Variants in IQCK observed in about 807,000 individuals in gnomAD.
IQCK encodes the protein IQ domain-containing protein K.
Under a neutral mutation model 28.1 loss-of-function variants are expected in IQCK, and 29 were observed. The observed-to-expected ratio is 1.03, with a 90% CI of 0.77 to 1.41. IQCK has a LOEUF of 1.41. IQCK is among the 40% of genes most tolerant of loss of function. IQCK has a pLI of 0.00. For missense variants in IQCK, 359 were observed against 314.7 expected, an observed-to-expected ratio of 1.14 and a Z score of -1.07; for synonymous variants, 113 against 115.1, an observed-to-expected ratio of 0.98 and a Z score of 0.12.
At chr16:19,847,979 C>G (rs1393295736) in intron 9 of IQCK, among the ~76,000 whole-genome samples, 1 of 152,152 alleles carries the variant, frequency 6.6e-6, no homozygotes, top group Non-Finnish European at 1.5e-5. Context: ...AATGCTGCTG[C>G]TTTGAACACT....
chr16:19,782,870 C>G (rs151029076), intron 6 of IQCK, among the ~76,000 whole-genome samples: 9 of 152,070 alleles, frequency 5.9e-5, no homozygotes, highest in Admixed American at 2.6e-4. Context: ...CACTTTGCAT[C>G]TAAAAAAGAG....
intron 6 of IQCK, among the ~76,000 whole-genome samples, chr16:19,784,286 C>A (rs566154303): frequency 7.8e-4 from 118 of 152,120 alleles, no homozygotes; most frequent in African/African-American, 2.8e-3. Flanking sequence ...ACCCTGACTT[C>A]GATGCTACTG....
chr16:19,737,895 G>C (rs2054779787), intron 4 of IQCK, among the ~76,000 whole-genome samples: 1 of 152,038 alleles, frequency 6.6e-6, no homozygotes, highest in Non-Finnish European at 1.5e-5. Flanking sequence ...ACTTCTACTT[G>C]TTTTTCCAAA....
intron 9 of IQCK, among the ~76,000 whole-genome samples, chr16:19,847,377 CA>C (rs1195875417): frequency 6.6e-6 from 1 of 152,236 alleles, no homozygotes; most frequent in African/African-American, 2.4e-5. Context: ...GTACACCGGT[CA>C]CAGTGCAGTG....
At chr16:19,781,322 G>A (rs552023639) in intron 6 of IQCK, among the ~76,000 whole-genome samples, 17 of 152,266 alleles carry the variant, frequency 1.1e-4, no homozygotes, top group African/African-American at 3.4e-4. Context: ...GCTGCTTGGC[G>A]AGTTCTGCTA....
chr16:19,844,280 A>C (rs1408515251), intron 9 of IQCK, among the ~76,000 whole-genome samples: 2 of 152,026 alleles, frequency 1.3e-5, no homozygotes, highest in African/African-American at 4.8e-5. Context: ...GGGTTTCACT[A>C]TGTTGGCCCG....
chr16:19,722,405 A>G (rs1463736707), intron 1 of IQCK, among the ~76,000 whole-genome samples: 1 of 151,862 alleles, frequency 6.6e-6, no homozygotes, highest in African/African-American at 2.4e-5. Context: ...TAACTTCTCT[A>G]CTAGCTTTTT....
At chr16:19,822,202 A>G (rs887092699) in intron 7 of IQCK, among the ~76,000 whole-genome samples, 5 of 151,660 alleles carry the variant, frequency 3.3e-5, no homozygotes, top group Admixed American at 2.6e-4. Flanking sequence ...CCTGGCCAAC[A>G]TGGTGAAACC....
Position 19,727,930 on chromosome 16 carries a change from G to A in IQCK, c.182-2500G>A, listed in dbSNP as rs139274153. On this transcript the variant is annotated intron_variant, in intron 1 of 7. Transcript: ENST00000564186. ...TAGCCCCCAAGATTCTTGCCACCTC[G>A]TGAACACACCTCACTTATTCAATCA... 1.3e-4 allele frequency among the ~76,000 whole-genome samples: 20 copies of A among 152,150 alleles called. 1 individual carries two copies. The East Asian group carries it at 3.7e-3, about 28-fold the overall frequency.
Position 19,743,023 on chromosome 16 carries a change from T to A in IQCK, c.474+7573T>A, listed in dbSNP as rs144397051. 5.8e-3 allele frequency among the ~76,000 whole-genome samples: 879 copies of A among 152,070 alleles called. 11 individuals are homozygous for A. Among genetic ancestry groups the A allele is most frequent in the African/African-American group, 0.02 (832 of 41,468 alleles). Reference sequence around the variant, plus strand: ...GTCTCTACTAAGAATACAAAAAAATTAGTTGGGCATGGTGGCACGTGCCTG... The same window carrying A: ...GTCTCTACTAAGAATACAAAAAAATAAGTTGGGCATGGTGGCACGTGCCTG... On this transcript the variant is annotated intron_variant, in intron 4 of 7. Coordinates refer to ENST00000564186, the Ensembl canonical transcript of IQCK.
intron 4 of IQCK, among the ~76,000 whole-genome samples, chr16:19,750,232 T>A (rs2054967478): frequency 6.7e-6 from 1 of 149,366 alleles, no homozygotes; most frequent in Non-Finnish European, 1.5e-5. Context: ...GTTCAAGGGA[T>A]TCTCCTGCCT....
Position 19,732,846 on chromosome 16 carries a change from C to G in IQCK, c.247-852C>G, listed in dbSNP as rs374736541. 7.2e-5 allele frequency among the ~76,000 whole-genome samples: 11 copies of G among 152,312 alleles called. No homozygotes were observed. The East Asian group carries it at 2.1e-3, about 29-fold the overall frequency. ...CTTTTCAGGCTGTTTCATTGGTTTA[C>G]AGAAGAGTTCCTGGAGAGGAGGGGG... On this transcript the variant is annotated intron_variant, in intron 2 of 7. Transcript: ENST00000564186.
intron 1 of IQCK, among the ~76,000 whole-genome samples, chr16:19,724,376 G>A (rs1410022290): frequency 2.0e-5 from 3 of 152,028 alleles, no homozygotes; most frequent in East Asian, 3.9e-4. Context: ...CCTCTGCCCT[G>A]TTCATGTGGC....
At chr16:19,818,311 G>C (rs557416350) in intron 7 of IQCK, among the ~76,000 whole-genome samples, 64 of 152,244 alleles carry the variant, frequency 4.2e-4, no homozygotes, top group African/African-American at 1.5e-3. Context: ...ATATAGAGCT[G>C]ATTTTCCTCT....
intron 6 of IQCK, among the ~76,000 whole-genome samples, chr16:19,782,766 G>A (rs976284924): frequency 3.9e-5 from 6 of 152,068 alleles, no homozygotes; most frequent in Non-Finnish European, 7.4e-5. Flanking sequence ...AATTGTCTTT[G>A]AACTGGATGA....
chr16:19,835,774 G>T (rs1597601396), intron 9 of IQCK, among the ~76,000 whole-genome samples: 2 of 151,804 alleles, frequency 1.3e-5, no homozygotes, highest in Admixed American at 1.3e-4. Context: ...TAGTAGAGAC[G>T]GGGTTTCACC....
At chr16:19,858,383 T>C (rs2056590398) in exon 10 of IQCK, 2 of 497,220 alleles carry the variant, frequency 4.0e-6, no homozygotes, top group African/African-American at 2.0e-5. Flanking sequence ...TCTGTTCTTA[T>C]GCTGGGGAAG....
At chr16:19,785,599 C>T (rs1396778231) in intron 6 of IQCK, among the ~76,000 whole-genome samples, 4 of 152,198 alleles carry the variant, frequency 2.6e-5, no homozygotes, top group East Asian at 1.9e-4. Flanking sequence ...AGACTGATTG[C>T]GGGCCGAGTC....
intron 7 of IQCK, among the ~76,000 whole-genome samples, chr16:19,822,398 A>AAG (rs2056086981): frequency 6.6e-6 from 1 of 151,742 alleles, no homozygotes; most frequent in East Asian, 1.9e-4. Context: ...AAAAAAAAAA[A>AAG]AAAAAAAGCA....
Sources: gnomAD v4.1 joint callset for allele counts (sites outside exome capture counted in the v4.1 genomes callset) on GRCh38, gnomAD v4.1.1 for gene constraint, MANE v1.5 for transcripts, NCBI Gene and HGNC (gene_info 2026-07-23, HGNC 2026-07-21) for gene names.